The following ARID1B variants were observed in gnomAD, a reference collection of about 807,000 sequenced individuals.
ARID1B encodes the protein AT-rich interaction domain 1B.
In ARID1B, 30 loss-of-function variants were observed where a neutral mutation model predicts 212.3. The observed-to-expected ratio is 0.14, with a 90% CI of 0.11 to 0.19. The LOEUF is 0.19. Among genes scored for constraint, ARID1B ranks in the 10% least tolerant of loss-of-function variants. The pLI is 1.00. For missense variants in ARID1B, 2,891 were observed against 3,204.0 expected (o/e 0.90, Z 2.36); for synonymous variants, 1,402 against 1,301.7 (o/e 1.08, Z -1.66).
chr6:157,009,437 A>G (rs1216199072), intron 4 of ARID1B, among the ~76,000 whole-genome samples: 3 of 152,196 alleles, frequency 2.0e-5, no homozygotes, highest in Non-Finnish European at 4.4e-5. Flanking sequence ...GTTGGCCCTA[A>G]ACTAGGTGAT....
chr6:157,005,691 C>A (rs915011286), intron 4 of ARID1B, among the ~76,000 whole-genome samples: 1 of 152,160 alleles, frequency 6.6e-6, no homozygotes, highest in Non-Finnish European at 1.5e-5. Flanking sequence ...CTCACCACAT[C>A]CCAATACCGT....
At chr6:156,894,210 A>G (rs961472556) in intron 2 of ARID1B, among the ~76,000 whole-genome samples, 4 of 138,560 alleles carry the variant, frequency 2.9e-5, no homozygotes, top group African/African-American at 1.1e-4. Flanking sequence ...GATTCTGCCT[A>G]TGTGAGATAG....
At chr6:157,017,127 C>G (rs187502863) in intron 4 of ARID1B, among the ~76,000 whole-genome samples, 3 of 152,306 alleles carry the variant, frequency 2.0e-5, no homozygotes, top group East Asian at 1.9e-4. Flanking sequence ...CAGGGTTGCT[C>G]TAGACAAACC....
At chr6:156,993,243 T>C (rs1778373153) in intron 4 of ARID1B, among the ~76,000 whole-genome samples, 3 of 152,214 alleles carry the variant, frequency 2.0e-5, no homozygotes, top group Non-Finnish European at 4.4e-5. Context: ...GGTTTCACCA[T>C]GTTGGCCAGG....
At chr6:156,928,966 T>G (rs1791473726) in intron 3 of ARID1B, among the ~76,000 whole-genome samples, 1 of 152,218 alleles carries the variant, frequency 6.6e-6, no homozygotes, top group Non-Finnish European at 1.5e-5. Flanking sequence ...AATCCCTTAT[T>G]ATGTGATAGT....
chr6:157,029,067 A>C (rs1029115000), intron 4 of ARID1B, among the ~76,000 whole-genome samples: 6 of 152,226 alleles, frequency 3.9e-5, no homozygotes, highest in African/African-American at 1.4e-4. Context: ...TGAGCAACAT[A>C]CATACTCATT....
intron 4 of ARID1B, among the ~76,000 whole-genome samples, chr6:156,967,823 G>A (rs540061213): frequency 6.6e-6 from 1 of 152,184 alleles, no homozygotes; most frequent in East Asian, 1.9e-4. Context: ...GGGGGTTTCT[G>A]TGTATATTGA....
intron 2 of ARID1B, among the ~76,000 whole-genome samples, chr6:156,879,031 G>C (rs1203458801): frequency 6.6e-6 from 1 of 152,206 alleles, no homozygotes; most frequent in Non-Finnish European, 1.5e-5. Flanking sequence ...TAGCTGTTGA[G>C]GGCGGAACTA....
At chr6:157,060,401 T>C (rs1047138768) in intron 4 of ARID1B, among the ~76,000 whole-genome samples, 2 of 152,186 alleles carry the variant, frequency 1.3e-5, no homozygotes, top group African/African-American at 4.8e-5. Context: ...TCTGTTTGTA[T>C]GCAAACACGA....
chr6:156,966,381 C>CTTTCTTTTTTTTTTTTT (rs1794742120), intron 4 of ARID1B, among the ~76,000 whole-genome samples: 1 of 89,436 alleles, frequency 1.1e-5, no homozygotes, highest in African/African-American at 3.8e-5. Context: ...CTTTTCTTTT[C>CTTTCTTTTTTTTTTTTT]TTTTCTTTTT....
intron 4 of ARID1B, among the ~76,000 whole-genome samples, chr6:157,025,809 C>T (rs1295971255): frequency 6.6e-6 from 1 of 152,178 alleles, no homozygotes; most frequent in Non-Finnish European, 1.5e-5. Flanking sequence ...ATTTTCATTG[C>T]TCTTGGGTGA....
chr6:156,905,250 G>GCGCACACACACACACACACACACA (rs1554265935), intron 3 of ARID1B, among the ~76,000 whole-genome samples: 33 of 143,838 alleles, frequency 2.3e-4, no homozygotes, highest in Middle Eastern at 3.5e-3. Context: ...ACATATGCAC[G>GCGCACACACACACACACACACACA]CACACACACA....
Position 157,057,413 on chromosome 6 carries a change from T to G in ARID1B, c.2248-27249T>G, listed in dbSNP as rs149227412. On this transcript the variant is annotated intron_variant, in intron 4 of 19. Transcript: ENST00000636930. The stretch of plus-strand genomic sequence containing the variant: ...AAAAATCAATCTTTTCAATTATGTT[T>G]GCAGGTATATATGTATATACACACA... Among the ~76,000 whole-genome samples the G allele has an allele frequency of 7.5e-3, 1,086 of 144,890 alleles. 12 individuals are homozygous for G. Among genetic ancestry groups the G allele is most frequent in the African/African-American group, 0.026 (1,039 of 40,228 alleles).
intron 4 of ARID1B, among the ~76,000 whole-genome samples, chr6:157,070,837 G>A (rs1228780708): frequency 2.0e-5 from 3 of 152,286 alleles, no homozygotes; most frequent in Middle Eastern, 3.4e-3. Flanking sequence ...TGCCTGCAGC[G>A]CTAATAATGA....
chr6:157,138,690 C>A (rs1789118683), intron 7 of ARID1B, among the ~76,000 whole-genome samples: 1 of 152,204 alleles, frequency 6.6e-6, no homozygotes, highest in South Asian at 2.1e-4. Flanking sequence ...AGATTCTGTG[C>A]AGGTCACTCG....
At chr6:157,103,691 G>C (rs1324987672) in intron 5 of ARID1B, among the ~76,000 whole-genome samples, 1 of 151,950 alleles carries the variant, frequency 6.6e-6, no homozygotes. Context: ...TTTTTAATTG[G>C]ATAAAATTCT....
At chr6:156,967,615 A>G (rs564065554) in intron 4 of ARID1B, among the ~76,000 whole-genome samples, 48 of 152,346 alleles carry the variant, frequency 3.2e-4, no homozygotes, top group Non-Finnish European at 6.2e-4. Flanking sequence ...TGCCCTATAT[A>G]TTCAATTTGA....
Position 157,200,751 on chromosome 6 carries a change from G to T in ARID1B, c.4526G>T (p.Arg1509Leu), listed in dbSNP as rs1049209609. 6.2e-7 allele frequency: 1 copy of T among 1,613,424 alleles called. No individual in the cohort carries two copies. Among genetic ancestry groups the T allele is most frequent in the Non-Finnish European group, 8.5e-7 (1 of 1,179,796 alleles). The part of the protein sequence containing the change: ...MDGMYGPPAK[R>L]HEGDMYNMQY... ...GGCATGTACGGGCCCCCAGCCAAGC[G>T]CCACGAGGGCGACATGTACAACATG... Residue 1509 changes from arginine to leucine, a missense_variant, in exon 18 of 20, where the codon CGC becomes CTC. Transcript: ENST00000636930. This position sits in a 1 kb window ranked among gnomAD's most constrained non-coding sequence, Gnocchi z 4.3.
rs1456355797 is a variant in ARID1B at position 156,955,273 on chromosome 6, A to T, written c.2247+19697A>T. ...ATGATAGCTCTTAATACAGAAAGTT[A>T]AATAGGCTAAATCCAGAGCTTTCTG... On this transcript the variant is annotated intron_variant, in intron 4 of 19. Coordinates refer to ENST00000636930, the MANE Select transcript of ARID1B (RefSeq NM_001374828.1). The surrounding 1 kb of genome is among the most constrained non-coding windows in gnomAD (Gnocchi z 4.2). Among the ~76,000 whole-genome samples, 2 of 152,228 alleles carry T rather than the reference A, an allele frequency of 1.3e-5. No individual in the cohort carries two copies. The highest frequency in any genetic ancestry group is 4.8e-5 in the African/African-American group (2 of 41,456).
Sources: gnomAD v4.1 joint callset for allele counts (sites outside exome capture counted in the v4.1 genomes callset) on GRCh38, gnomAD v4.1.1 for gene constraint, Gnocchi (gnomAD v3.1) non-coding constraint, MANE v1.5 for transcripts, NCBI Gene and HGNC (gene_info 2026-07-23, HGNC 2026-07-21) for gene names.